SLIT3: variants seen among roughly 807,000 people sequenced by gnomAD.
SLIT3 encodes the protein slit guidance ligand 3.
SLIT3 carries 68 observed loss-of-function variants against 184.0 expected under a neutral mutation model. The observed-to-expected ratio is 0.37, with a 90% CI of 0.30 to 0.45. SLIT3 has a LOEUF of 0.45. Among genes scored for constraint, SLIT3 ranks in the 20% least tolerant of loss-of-function variants. SLIT3 has a pLI of 1.00. For synonymous variants in SLIT3, 831 were observed against 828.6 expected (o/e 1.00, Z -0.05); for missense variants, 1,707 against 2,026.0 (o/e 0.84, Z 3.02).
intron 4 of SLIT3, among the ~76,000 whole-genome samples, chr5:169,184,327 G>T (rs1763264530): frequency 6.6e-6 from 1 of 152,216 alleles, no homozygotes; most frequent in Admixed American, 6.5e-5. Context: ...GAGTAAGAGG[G>T]TGAGAAAGTC....
intron 3 of SLIT3, among the ~76,000 whole-genome samples, chr5:169,230,849 T>A (rs1046576666): frequency 8.5e-5 from 13 of 152,250 alleles, no homozygotes; most frequent in Admixed American, 2.0e-4. Flanking sequence ...ACTTTTTTTT[T>A]AAATATGCAT....
At chr5:169,079,588 AGGAGGAGGAG>A (rs1257044590) in intron 4 of SLIT3, among the ~76,000 whole-genome samples, 36 of 106,964 alleles carry the variant, frequency 3.4e-4, no homozygotes, top group Non-Finnish European at 4.2e-4. Flanking sequence ...AGAGAAGGGG[AGGAGGAGGAG>A]GGAGGAGGAG....
intron 7 of SLIT3, among the ~76,000 whole-genome samples, chr5:168,819,480 GA>G (rs779458380): frequency 3.2e-4 from 49 of 152,328 alleles, no homozygotes; most frequent in Admixed American, 6.5e-4. Context: ...ACCTTTTAAT[GA>G]GCGTTTGGCT....
chr5:168,735,830 C>T (rs957136927), intron 20 of SLIT3, among the ~76,000 whole-genome samples: 2 of 152,154 alleles, frequency 1.3e-5, no homozygotes, highest in Non-Finnish European at 2.9e-5. Flanking sequence ...TAAAATTCTT[C>T]CTGGATTCCT....
At chr5:169,147,047 G>T (rs1030123628) in intron 4 of SLIT3, among the ~76,000 whole-genome samples, 1 of 152,124 alleles carries the variant, frequency 6.6e-6, no homozygotes, top group Admixed American at 6.5e-5. Flanking sequence ...AATTGTTATT[G>T]TCTGTCATAC....
chr5:169,001,961 G>A (rs1459853060), intron 4 of SLIT3, among the ~76,000 whole-genome samples: 2 of 151,924 alleles, frequency 1.3e-5, no homozygotes, highest in Non-Finnish European at 2.9e-5. Flanking sequence ...TTTTAGAGTA[G>A]GGAGAGGAGG....
chr5:169,137,844 C>A (rs1761580194), intron 4 of SLIT3, among the ~76,000 whole-genome samples: 1 of 152,128 alleles, frequency 6.6e-6, no homozygotes, highest in Non-Finnish European at 1.5e-5. Context: ...ACCACAGCAG[C>A]CTAGAGTCTG....
chr5:169,111,234 C>T (rs1275516353), intron 4 of SLIT3, among the ~76,000 whole-genome samples: 1 of 152,208 alleles, frequency 6.6e-6, no homozygotes, highest in Non-Finnish European at 1.5e-5. Flanking sequence ...TATGGACCTC[C>T]AGCCTCCAGA....
At chr5:168,750,730 A>G (rs1313747869) in intron 18 of SLIT3, among the ~76,000 whole-genome samples, 1 of 152,052 alleles carries the variant, frequency 6.6e-6, no homozygotes, top group African/African-American at 2.4e-5. Flanking sequence ...TCTCCTGTTG[A>G]CATCACTCGT....
At chr5:169,271,758 C>T (rs1475318996) in intron 1 of SLIT3, among the ~76,000 whole-genome samples, 2 of 152,200 alleles carry the variant, frequency 1.3e-5, no homozygotes, top group African/African-American at 2.4e-5. Flanking sequence ...TTGCCACTCC[C>T]ATTCCATGAG....
chr5:168,883,364 C>A (rs891206175), intron 4 of SLIT3, 28 bp from the exon 5 acceptor site: 1 of 1,539,052 alleles, frequency 6.5e-7, no homozygotes, highest in African/African-American at 1.4e-5. Flanking sequence ...AGGCACACTG[C>A]ATTAAAGACC....
intron 4 of SLIT3, among the ~76,000 whole-genome samples, chr5:169,175,966 C>T (rs1284140688): frequency 6.6e-6 from 1 of 152,220 alleles, no homozygotes; most frequent in Non-Finnish European, 1.5e-5. Flanking sequence ...GTCAGCACCG[C>T]TCAGGCAACA....
chr5:169,055,540 G>T (rs1757966469), intron 4 of SLIT3, among the ~76,000 whole-genome samples: 1 of 152,162 alleles, frequency 6.6e-6, no homozygotes, highest in Admixed American at 6.5e-5. Context: ...TTGGGCAAAG[G>T]TATGAAAGAA....
intron 4 of SLIT3, among the ~76,000 whole-genome samples, chr5:168,967,684 C>T (rs1258752854): frequency 7.1e-6 from 1 of 139,882 alleles, no homozygotes; most frequent in Non-Finnish European, 1.7e-5. Flanking sequence ...TCGTGATCCG[C>T]CCGCCTCGGC....
chr5:169,279,441 A>G (rs936682569), intron 1 of SLIT3, among the ~76,000 whole-genome samples: 1 of 152,178 alleles, frequency 6.6e-6, no homozygotes, highest in Non-Finnish European at 1.5e-5. Flanking sequence ...GTTCTGAGTT[A>G]GGAACTAGCT....
At chr5:169,040,710 A>G (rs142341396) in intron 4 of SLIT3, among the ~76,000 whole-genome samples, 7 of 152,320 alleles carry the variant, frequency 4.6e-5, no homozygotes, top group African/African-American at 1.7e-4. Flanking sequence ...GCGTGATGGC[A>G]CTGGATTAAA....
intron 32 of SLIT3, among the ~76,000 whole-genome samples, chr5:168,681,689 C>A (rs1167653476): frequency 6.6e-6 from 1 of 152,194 alleles, no homozygotes; most frequent in Admixed American, 6.5e-5. Flanking sequence ...AGTGCTGCGA[C>A]ACTCCTACCA....
intron 4 of SLIT3, among the ~76,000 whole-genome samples, chr5:168,926,406 G>A (rs960236996): frequency 6.6e-5 from 10 of 152,222 alleles, no homozygotes; most frequent in South Asian, 2.1e-4. Flanking sequence ...GCAGTTTTTC[G>A]GGAGTGAGTA....
chr5:168,773,506 C>G (rs1755637633), intron 13 of SLIT3, among the ~76,000 whole-genome samples: 1 of 152,148 alleles, frequency 6.6e-6, no homozygotes, highest in Non-Finnish European at 1.5e-5. Flanking sequence ...TATATAGCAG[C>G]TGCTCCTACT....
Sources: gnomAD v4.1 joint callset for allele counts (sites outside exome capture counted in the v4.1 genomes callset) on GRCh38, gnomAD v4.1.1 for gene constraint, MANE v1.5 for transcripts, NCBI Gene and HGNC (gene_info 2026-07-23, HGNC 2026-07-21) for gene names.